The following ZFTA variants were observed in gnomAD, a reference collection of about 807,000 sequenced individuals.
ZFTA encodes the protein zinc finger translocation-associated protein.
ZFTA carries 35 observed loss-of-function variants against 41.8 expected under a neutral mutation model. The observed-to-expected ratio is 0.84, with a 90% CI of 0.64 to 1.11. The LOEUF is 1.11. Ranked by LOEUF, ZFTA falls within the 50% of genes most tolerant of loss-of-function variation. The probability of loss-of-function intolerance (pLI) is 0.00; values close to 1 mark genes in which losing one functional copy is unlikely to be tolerated. For missense variants in ZFTA, 964 were observed against 989.8 expected (o/e 0.97, Z 0.35); for synonymous variants, 514 against 436.4 (o/e 1.18, Z -2.22).
rs746673606 is a variant in ZFTA at position 63,765,067 on chromosome 11, G to A, written c.825C>T (p.Asp275=). 1.4e-5 allele frequency: 22 copies of A among 1,548,890 alleles called. No individual in the cohort carries two copies. Among genetic ancestry groups the A allele is most frequent in the Non-Finnish European group, 1.8e-5 (21 of 1,146,506 alleles). ...CCAGCCGGTTCCCCCGCGGGTCATA[G>A]TCCATGAGACACTCGGCCCGGAACC... ...QNWFRAECLM[D]YDPRGNRLVC... Residue 275 remains aspartate, a synonymous_variant, in exon 3 of 5, where the codon GAC becomes GAT. Transcript: ENST00000433688. The surrounding 1 kb of genome is among the most constrained non-coding windows in gnomAD (Gnocchi z 4.0).
At chr11:63,763,929 T>G in intron 4 of ZFTA, 60 bp from the exon 5 acceptor site, 1 of 1,381,722 alleles carries the variant, frequency 7.2e-7, no homozygotes, top group Non-Finnish European at 9.4e-7. Context: ...GGGCCCCGCG[T>G]CTCATCTCCA....
In ZFTA at chr11:63,764,315, G is replaced by A; in HGVS notation, c.1308C>T (p.Gly436=). Residue 436 remains glycine, a synonymous_variant, in exon 4 of 5, where the codon GGC becomes GGT. Transcript: ENST00000433688. ...CGCCCCCGCACACCCCGCACACCAG[G>A]CCGCGCCGGCCGCCGTCCAACTCCA... ...YLMELDGGRR[G]LVCGVCGGAL... 1 of 1,386,306 alleles carries A rather than the reference G, an allele frequency of 7.2e-7. No homozygotes were observed. Among genetic ancestry groups the A allele is most frequent in the Non-Finnish European group, 9.3e-7 (1 of 1,075,534 alleles). The allele number at this position is 1,386,306 out of a possible 1,614,324, so 85.9% of individuals were successfully genotyped here.
chr11:63,768,670 C>T lies in ZFTA; in HGVS notation c.-48G>A, dbSNP rs1365308238. ...CCCGGGGCGGCGGGGCGCGGGGCCG[C>T]GGGGCCGGCGGCAGCCCGCGCGGAG... On this transcript the variant is annotated 5_prime_UTR_variant, in exon 1 of 5. Transcript: ENST00000433688. 1 of 921,110 alleles carries T rather than the reference C, an allele frequency of 1.1e-6. No individual in the cohort carries two copies. Among genetic ancestry groups the T allele is most frequent in the Non-Finnish European group, 1.3e-6 (1 of 775,934 alleles). 57.1% of individuals were successfully genotyped at this position (921,110 alleles called of 1,614,324 possible). A position where few individuals can be genotyped will look rare whatever the true frequency, so the allele number is the denominator to read the frequency against.
Position 63,763,286 on chromosome 11 carries a change from C to T in ZFTA, c.*132G>A. 1.6e-6 allele frequency: 1 copy of T among 618,062 alleles called. No homozygotes were observed. The highest frequency in any genetic ancestry group is 2.1e-6 in the Non-Finnish European group (1 of 469,734). 38.3% of individuals were successfully genotyped at this position (618,062 alleles called of 1,614,324 possible). ...ATCCCCCGTCTCCGCCCGGCCCGGC[C>T]AGCGGGGGGCGCGGCCGCGGGAAGC... On this transcript the variant is annotated 3_prime_UTR_variant, in exon 5 of 5. Coordinates refer to ENST00000433688, the MANE Select transcript of ZFTA (RefSeq NM_001144936.2).
chr11:63,762,248 A>G lies in ZFTA; in HGVS notation c.*1170T>C, dbSNP rs958726003. On this transcript the variant is annotated 3_prime_UTR_variant, in exon 5 of 5. Coordinates refer to ENST00000433688, the MANE Select transcript of ZFTA (RefSeq NM_001144936.2). ...CGCATAATAAATAAGACATTTGCAC[A>G]TAAGGGTGACTGGGTCAGCTCTGTC... is the stretch of plus-strand genomic sequence containing the variant. 6 of 152,280 alleles carry G rather than the reference A, an allele frequency of 3.9e-5. No homozygotes were observed. Among genetic ancestry groups the G allele is most frequent in the Non-Finnish European group, 8.8e-5 (6 of 68,046 alleles). 9.4% of individuals were successfully genotyped at this position (152,280 alleles called of 1,614,324 possible).
intron 3 of ZFTA, 76 bp from the exon 4 acceptor site, chr11:63,764,674 C>A: frequency 7.7e-7 from 1 of 1,303,076 alleles, no homozygotes; most frequent in Non-Finnish European, 9.7e-7. Context: ...GGGGTCCATC[C>A]TGGCTCCTCA....
At chr11:63,766,342 G>C in intron 1 of ZFTA, 38 bp from the exon 2 acceptor site, 1 of 1,405,862 alleles carries the variant, frequency 7.1e-7, no homozygotes, top group Non-Finnish European at 9.2e-7. Flanking sequence ...TTCAATCTCT[G>C]ATTTCCAGGG....
rs1194710491 is a variant in ZFTA at position 63,760,355 on chromosome 11, C to A, written c.*3063G>T. ...TTCTCCTAAACTAAGGCTGCTGTGA[C>A]CCTTAAGCTGGCTTTTAAAAATGTA... On this transcript the variant is annotated 3_prime_UTR_variant, in exon 5 of 5. Transcript: ENST00000433688. The A allele has an allele frequency of 1.3e-5, 2 of 152,188 alleles. No individual in the cohort carries two copies. Among genetic ancestry groups the A allele is most frequent in the African/African-American group, 4.8e-5 (2 of 41,446 alleles). 9.4% of individuals were successfully genotyped at this position (152,188 alleles called of 1,614,324 possible).
Position 63,764,524 on chromosome 11 carries a change from G to C in ZFTA, c.1099C>G (p.Gln367Glu). The change falls in exon 4 of 5, where the codon CAG (glutamine) becomes GAG (glutamate). Residue 367 changes from glutamine (Q) to glutamate (E), a missense_variant. Gln to Glu is a conservative substitution (Grantham distance 29). Coordinates refer to ENST00000433688, the MANE Select transcript of ZFTA (RefSeq NM_001144936.2). ...SASAAGAPSS[Q>E]DLSPPDVKEE... ...TTTACGTCTGGGGGGCTGAGATCCT[G>C]AGAGGAGGGGGCTCCAGCAGCGGAG... 8.0e-7 allele frequency: 1 copy of C among 1,257,410 alleles called. No homozygotes were observed. Among genetic ancestry groups the C allele is most frequent in the Non-Finnish European group, 1.0e-6 (1 of 995,668 alleles). The allele number at this position is 1,257,410 out of a possible 1,614,324, so 77.9% of individuals were successfully genotyped here.
At position 63,765,730 on chromosome 11, in the gene ZFTA, C is replaced by T; in HGVS notation, c.637+77G>A. The T allele has an allele frequency of 7.0e-7, 1 of 1,426,266 alleles. No individual in the cohort carries two copies. The allele number at this position is 1,426,266 out of a possible 1,614,324, so 88.4% of individuals were successfully genotyped here. A position where few individuals can be genotyped will look rare whatever the true frequency, so the allele number is the denominator to read the frequency against. On this transcript the variant is annotated intron_variant, in intron 2 of 4. Coordinates refer to ENST00000433688, the MANE Select transcript of ZFTA (RefSeq NM_001144936.2). The surrounding 1 kb of genome is among the most constrained non-coding windows in gnomAD (Gnocchi z 4.0). Reference sequence around the variant, plus strand: ...GTGCCTTGCTCAAGAACACCAGCTCCTTGGCAGAGCAGCTGGCCCACTGTG... The same window carrying T: ...GTGCCTTGCTCAAGAACACCAGCTCTTTGGCAGAGCAGCTGGCCCACTGTG...
At position 63,761,227 on chromosome 11, in the gene ZFTA, T is replaced by A. The variant is rs1288473872; in HGVS notation, c.*2191A>T. The A allele has an allele frequency of 6.6e-6, 1 of 152,238 alleles. No individual in the cohort carries two copies. The highest frequency in any genetic ancestry group is 2.4e-5 in the African/African-American group (1 of 41,454). The allele number at this position is 152,238 out of a possible 1,614,324, so 9.4% of individuals were successfully genotyped here. On this transcript the variant is annotated 3_prime_UTR_variant, in exon 5 of 5. Coordinates refer to ENST00000433688, the MANE Select transcript of ZFTA (RefSeq NM_001144936.2). ...AGGTTCAAACTCACTGGGAATTTAC[T>A]TTTCAGTCAATTGACAACCCATTCA... is the stretch of plus-strand genomic sequence containing the variant.
chr11:63,763,399 C>A lies in ZFTA; in HGVS notation c.*19G>T. 7.8e-7 allele frequency: 1 copy of A among 1,275,906 alleles called. No individual in the cohort carries two copies. Among genetic ancestry groups the A allele is most frequent in the Non-Finnish European group, 9.9e-7 (1 of 1,008,132 alleles). 79.0% of individuals were successfully genotyped at this position (1,275,906 alleles called of 1,614,324 possible). A position where few individuals can be genotyped will look rare whatever the true frequency, so the allele number is the denominator to read the frequency against. On this transcript the variant is annotated 3_prime_UTR_variant, in exon 5 of 5. Coordinates refer to ENST00000433688, the MANE Select transcript of ZFTA (RefSeq NM_001144936.2). ...CCGATCCGACCCGACCCGACCTGACCCGGGGGCCCGCTAGGCCGCTACGCC... is the reference window on the plus strand; with the variant it reads ...CCGATCCGACCCGACCCGACCTGACACGGGGGCCCGCTAGGCCGCTACGCC...
At chr11:63,766,474 A>C (rs1042820037) in intron 1 of ZFTA, among the ~76,000 whole-genome samples, 170 bp from the exon 2 acceptor site, 6 of 152,226 alleles carry the variant, frequency 3.9e-5, no homozygotes, top group Non-Finnish European at 8.8e-5. Flanking sequence ...CCAAAACATT[A>C]GCCCTTTACA....
intron 1 of ZFTA, among the ~76,000 whole-genome samples, chr11:63,768,274 A>G (rs1325225844): frequency 6.7e-6 from 1 of 148,296 alleles, no homozygotes; most frequent in African/African-American, 2.5e-5. Context: ...GGGGGAGGCG[A>G]GCCGCCCGAG....
chr11:63,765,668 T>G lies in ZFTA; in HGVS notation c.637+139A>C. On this transcript the variant is annotated intron_variant, in intron 2 of 4. Transcript: ENST00000433688. This position sits in a 1 kb window ranked among gnomAD's most constrained non-coding sequence, Gnocchi z 4.0. The stretch of plus-strand genomic sequence containing the variant: ...CTGTCCTTCCCCCACCTTTGTATAA[T>G]AAGGGCAATAAACAGACCCCACCCA... The G allele has an allele frequency of 8.5e-7, 1 of 1,175,484 alleles. No individual in the cohort carries two copies. The allele number at this position is 1,175,484 out of a possible 1,614,324, so 72.8% of individuals were successfully genotyped here.
rs1443783578 is a variant in ZFTA at position 63,761,221 on chromosome 11, A to T, written c.*2197T>A. 1 of 152,204 alleles carries T rather than the reference A, an allele frequency of 6.6e-6. No individual in the cohort carries two copies. 9.4% of individuals were successfully genotyped at this position (152,204 alleles called of 1,614,324 possible). On this transcript the variant is annotated 3_prime_UTR_variant, in exon 5 of 5. Transcript: ENST00000433688. ...CCGTGGAGGTTCAAACTCACTGGGA[A>T]TTTACTTTTCAGTCAATTGACAACC...
intron 1 of ZFTA, among the ~76,000 whole-genome samples, chr11:63,768,072 A>G (rs1483704622): frequency 6.6e-6 from 1 of 152,046 alleles, no homozygotes; most frequent in Admixed American, 6.5e-5. Flanking sequence ...CGCTGGGGAA[A>G]AGCCCCCGAA....
rs1476933393 is a variant in ZFTA at position 63,760,036 on chromosome 11, CAAGACTGCAGAATT to C, written c.*3368_*3381del. On this transcript the variant is annotated 3_prime_UTR_variant, in exon 5 of 5. Transcript: ENST00000433688. ...AATAGTTGGTACTCGTAAGGATTCCCAAGACTGCAGAATTTAGTTGTACAGCATAACTGTGCATT... is the reference window on the plus strand; with the variant it reads ...AATAGTTGGTACTCGTAAGGATTCCCTAGTTGTACAGCATAACTGTGCATT... The C allele has an allele frequency of 6.6e-6, 1 of 152,150 alleles. No homozygotes were observed. The highest frequency in any genetic ancestry group is 1.5e-5 in the Non-Finnish European group (1 of 68,038). 9.4% of individuals were successfully genotyped at this position (152,150 alleles called of 1,614,324 possible).
rs1325653740 is a variant in ZFTA at position 63,760,304 on chromosome 11, C to G, written c.*3114G>C. ...CATCATCAGGTCTTCATTGAAAGAA[C>G]TTGAGTGGTCACCTGTGATTAGCTC... On this transcript the variant is annotated 3_prime_UTR_variant, in exon 5 of 5. Coordinates refer to ENST00000433688, the MANE Select transcript of ZFTA (RefSeq NM_001144936.2). The G allele has an allele frequency of 1.3e-5, 2 of 152,194 alleles. No individual in the cohort carries two copies. The highest frequency in any genetic ancestry group is 4.8e-5 in the African/African-American group (2 of 41,438). 9.4% of individuals were successfully genotyped at this position (152,194 alleles called of 1,614,324 possible).
Sources: gnomAD v4.1 joint callset for allele counts (sites outside exome capture counted in the v4.1 genomes callset) on GRCh38, gnomAD v4.1.1 for gene constraint, Gnocchi (gnomAD v3.1) non-coding constraint, MANE v1.5 for transcripts, NCBI Gene and HGNC (gene_info 2026-07-23, HGNC 2026-07-21) for gene names.